Variants in SNTG1 observed in about 807,000 individuals in gnomAD.
The protein encoded by SNTG1 is gamma-1-syntrophin.
Under a neutral mutation model 74.7 loss-of-function variants are expected in SNTG1, and 39 were observed. The observed-to-expected ratio is 0.52, with a 90% CI of 0.40 to 0.68. The LOEUF is 0.68. SNTG1 is among the 30% of genes least tolerant of loss of function. SNTG1 has a pLI of 0.00. For synonymous variants in SNTG1, 254 were observed against 217.1 expected, an observed-to-expected ratio of 1.17 and a Z score of -1.49; for missense variants, 685 against 609.5, an observed-to-expected ratio of 1.12 and a Z score of -1.30.
chr8:50,064,164 T>A (rs1164356560), intron 1 of SNTG1, among the ~76,000 whole-genome samples: 1 of 152,194 alleles, frequency 6.6e-6, no homozygotes, highest in Non-Finnish European at 1.5e-5. Context: ...ACTCAATACA[T>A]GTTAGCTATT....
chr8:49,930,158 G>A (rs933425905), intron 1 of SNTG1, among the ~76,000 whole-genome samples: 1 of 151,846 alleles, frequency 6.6e-6, no homozygotes, highest in Non-Finnish European at 1.5e-5. Flanking sequence ...ACAAAAAGAA[G>A]TCTCCCATGA....
intron 1 of SNTG1, among the ~76,000 whole-genome samples, chr8:49,923,612 T>C (rs2129346257): frequency 6.6e-6 from 1 of 152,120 alleles, no homozygotes; most frequent in South Asian, 2.1e-4. Flanking sequence ...GGCACTTAAA[T>C]ACATGAAAGT....
At chr8:50,366,915 T>C (rs1415852529) in intron 2 of SNTG1, among the ~76,000 whole-genome samples, 4 of 146,726 alleles carry the variant, frequency 2.7e-5, no homozygotes, top group African/African-American at 7.4e-5. Flanking sequence ...TAATATAGTA[T>C]AGGTCTATAC....
intron 2 of SNTG1, among the ~76,000 whole-genome samples, chr8:50,251,787 A>T (rs1563800368): frequency 6.6e-6 from 1 of 152,116 alleles, no homozygotes; most frequent in South Asian, 2.1e-4. Flanking sequence ...TCACATTTTC[A>T]GCAATAAACA....
intron 1 of SNTG1, among the ~76,000 whole-genome samples, chr8:49,999,641 TC>T (rs1563451896): frequency 6.6e-6 from 1 of 152,086 alleles, no homozygotes; most frequent in African/African-American, 2.4e-5. Flanking sequence ...AGAACACTCT[TC>T]CCCCAATGTC....
intron 17 of SNTG1, among the ~76,000 whole-genome samples, chr8:50,729,696 A>G (rs1044255695): frequency 3.9e-5 from 6 of 152,168 alleles, no homozygotes; most frequent in Non-Finnish European, 8.8e-5. Context: ...GAGTTGGTAC[A>G]CTCAGGACAC....
intron 4 of SNTG1, among the ~76,000 whole-genome samples, chr8:50,403,339 A>G (rs1238986487): frequency 6.6e-6 from 1 of 152,228 alleles, no homozygotes; most frequent in African/African-American, 2.4e-5. Flanking sequence ...GCCTTTGCCA[A>G]CTAAAGATAA....
intron 15 of SNTG1, among the ~76,000 whole-genome samples, chr8:50,676,464 A>T (rs761806444): frequency 4.3e-4 from 65 of 152,100 alleles, no homozygotes; most frequent in Admixed American, 2.4e-3. Flanking sequence ...TGTGTTACGC[A>T]GCACCATCAG....
At chr8:50,208,960 G>T (rs2084379319) in intron 2 of SNTG1, among the ~76,000 whole-genome samples, 1 of 152,142 alleles carries the variant, frequency 6.6e-6, no homozygotes, top group Non-Finnish European at 1.5e-5. Flanking sequence ...AGTGCAAGGG[G>T]TCTGGGAATT....
intron 13 of SNTG1, among the ~76,000 whole-genome samples, chr8:50,632,657 C>T (rs2095009490): frequency 6.6e-6 from 1 of 152,128 alleles, no homozygotes; most frequent in South Asian, 2.1e-4. Flanking sequence ...ATTTTATATG[C>T]TATTACTATT....
At chr8:50,720,996 A>G (rs2095486389) in intron 17 of SNTG1, among the ~76,000 whole-genome samples, 2 of 152,208 alleles carry the variant, frequency 1.3e-5, no homozygotes, top group South Asian at 4.1e-4. Flanking sequence ...TAGGTCATGA[A>G]TAATTGGACC....
chr8:49,993,620 ATTTT>A (rs1554542038), intron 1 of SNTG1, among the ~76,000 whole-genome samples: 1 of 38,630 alleles, frequency 2.6e-5, no homozygotes, highest in Non-Finnish European at 1.1e-4. Flanking sequence ...ATGTGTTCTC[ATTTT>A]TCAACTCCCA....
chr8:50,016,423 T>C (rs1004104477), intron 1 of SNTG1, among the ~76,000 whole-genome samples: 2 of 152,148 alleles, frequency 1.3e-5, no homozygotes, highest in African/African-American at 4.8e-5. Context: ...TGGTCAACGT[T>C]GAGTTCCTTG....
intron 9 of SNTG1, among the ~76,000 whole-genome samples, chr8:50,520,121 C>T (rs2094167226): frequency 6.6e-6 from 1 of 152,088 alleles, no homozygotes; most frequent in African/African-American, 2.4e-5. Flanking sequence ...GAACTGAGGC[C>T]TTAGAAATAA....
rs560677303 is a variant in SNTG1, at chr8:50,516,450, T to C, written c.466+13570T>C. ...AAAACTGGATGGAGAATGAGTTTGA[T>C]GAATTGACAGTAGTAGTCTTCAGAA... On this transcript the variant is annotated intron_variant, in intron 9 of 18. Transcript: ENST00000642720. Among the ~76,000 whole-genome samples the C allele has an allele frequency of 5.9e-5, 9 of 152,290 alleles. No homozygotes were observed. The East Asian group carries it at 1.7e-3, about 29-fold the overall frequency.
At chr8:50,249,431 G>T (rs761804948) in intron 2 of SNTG1, among the ~76,000 whole-genome samples, 5 of 152,326 alleles carry the variant, frequency 3.3e-5, no homozygotes, top group South Asian at 2.1e-4. Flanking sequence ...TTTGGGGGCA[G>T]CCCCTGGACT....
chr8:50,430,842 A>G (rs183674178), intron 4 of SNTG1, among the ~76,000 whole-genome samples: 1 of 152,230 alleles, frequency 6.6e-6, no homozygotes, highest in East Asian at 1.9e-4. Flanking sequence ...GCAGAAATCA[A>G]AATACATTCA....
intron 13 of SNTG1, among the ~76,000 whole-genome samples, chr8:50,636,867 G>A (rs1462097040): frequency 6.6e-6 from 1 of 152,148 alleles, no homozygotes; most frequent in East Asian, 1.9e-4. Flanking sequence ...GTCCCCAAAT[G>A]TATAATGTCT....
intron 2 of SNTG1, among the ~76,000 whole-genome samples, chr8:50,298,224 T>C (rs2130637126): frequency 1.3e-5 from 2 of 152,164 alleles, no homozygotes; most frequent in South Asian, 4.1e-4. Context: ...AAGAGTAGAG[T>C]AGTTATCTGC....
Sources: gnomAD v4.1 joint callset for allele counts (sites outside exome capture counted in the v4.1 genomes callset) on GRCh38, gnomAD v4.1.1 for gene constraint, MANE v1.5 for transcripts, NCBI Gene and HGNC (gene_info 2026-07-23, HGNC 2026-07-21) for gene names.